Variants in SLC24A2 observed in about 807,000 individuals in gnomAD.
SLC24A2 encodes solute carrier family 24 member 2.
A neutral mutation model predicts 62.0 loss-of-function variants in SLC24A2; 36 were observed. The ratio of observed to expected loss-of-function variants is 0.58; its 90% CI spans 0.44 to 0.77. The LOEUF is 0.77. Among genes scored for constraint, SLC24A2 ranks in the 30% least tolerant of loss-of-function variants. The probability of loss-of-function intolerance (pLI) is 0.00; values close to 1 mark genes in which losing one functional copy is unlikely to be tolerated. For missense variants in SLC24A2, 846 were observed against 817.9 expected, an observed-to-expected ratio of 1.03 and a Z score of -0.42; for synonymous variants, 358 against 294.0, an observed-to-expected ratio of 1.22 and a Z score of -2.23.
intron 2 of SLC24A2, among the ~76,000 whole-genome samples, chr9:19,685,881 G>T (rs145970377): frequency 3.9e-5 from 6 of 152,024 alleles, no homozygotes; most frequent in Admixed American, 3.9e-4. Context: ...TGATGAAGAT[G>T]CCAAAAACAA....
chr9:19,688,905 A>G (rs1236347955), intron 2 of SLC24A2, among the ~76,000 whole-genome samples: 1 of 152,128 alleles, frequency 6.6e-6, no homozygotes, highest in Non-Finnish European at 1.5e-5. Context: ...ATTGTTATTG[A>G]GTACACAATA....
chr9:20,188,786 C>G, the SLC24A2 span, among the ~76,000 whole-genome samples: 44 of 152,268 alleles, frequency 2.9e-4, no homozygotes, highest in African/African-American at 1.0e-3. Context: ...CTCCCTAGAG[C>G]TGCCTAAAGG....
At chr9:19,637,967 T>C (rs766654850) in intron 2 of SLC24A2, among the ~76,000 whole-genome samples, 2 of 152,152 alleles carry the variant, frequency 1.3e-5, no homozygotes, top group South Asian at 2.1e-4. Flanking sequence ...TGTTGAAAAA[T>C]GTACAGTGAG....
chr9:19,594,654 A>ATGTT (rs1356195351), intron 5 of SLC24A2, among the ~76,000 whole-genome samples: 1 of 152,218 alleles, frequency 6.6e-6, no homozygotes, highest in African/African-American at 2.4e-5. Context: ...AATTGTGCAA[A>ATGTT]TGCTTAACTG....
In SLC24A2 at chr9:19,516,319, A is replaced by G; in HGVS notation, c.1820T>C (p.Ile607Thr). Residue 607 changes from isoleucine (I) to threonine (T), a missense_variant, in exon 11 of 11, where the codon ATC (isoleucine) becomes ACC (threonine). Physicochemically the swap from Ile to Thr is moderately conservative, Grantham distance 89 (BLOSUM62 -1). Coordinates refer to ENST00000341998, the MANE Select transcript of SLC24A2 (RefSeq NM_020344.4). ...AVSSNGLFCA[I>T]VLLFIMLLFV... ...GAGCAGCATGATGAAGAGAAGGACG[A>G]TGGCACAGAAAAGGCCATTGCTGCT... 1 of 1,614,230 alleles carries G rather than the reference A, an allele frequency of 6.2e-7. No individual in the cohort carries two copies. Among genetic ancestry groups the G allele is most frequent in the African/African-American group, 1.3e-5 (1 of 75,070 alleles).
chr9:19,840,734 TACA>T, the SLC24A2 span, among the ~76,000 whole-genome samples: 22 of 152,302 alleles, frequency 1.4e-4, no homozygotes, highest in African/African-American at 5.3e-4. Context: ...CAATCAAGCA[TACA>T]ACATTTCTAT....
the SLC24A2 span, among the ~76,000 whole-genome samples, chr9:19,990,314 A>T: frequency 1.3e-5 from 2 of 152,114 alleles, no homozygotes. Context: ...ACCTACGGTC[A>T]GAAGATATCA....
the SLC24A2 span, among the ~76,000 whole-genome samples, chr9:19,859,765 G>A: frequency 6.6e-6 from 1 of 152,212 alleles, no homozygotes; most frequent in Non-Finnish European, 1.5e-5. Flanking sequence ...AGCATTGTGA[G>A]GAGGGTGTTT....
intron 2 of SLC24A2, among the ~76,000 whole-genome samples, chr9:19,730,226 A>T (rs1821295025): frequency 1.3e-5 from 2 of 152,176 alleles, no homozygotes; most frequent in African/African-American, 4.8e-5. Context: ...AGTCTTTGGA[A>T]AATATTTGAA....
the SLC24A2 span, among the ~76,000 whole-genome samples, chr9:20,080,758 A>C: frequency 6.6e-6 from 1 of 152,092 alleles, no homozygotes; most frequent in African/African-American, 2.4e-5. Context: ...CAGAATCTAC[A>C]ATGAACTCAA....
chr9:19,789,892 T>C (rs1587331677), upstream of SLC24A2, among the ~76,000 whole-genome samples: 1 of 152,202 alleles, frequency 6.6e-6, no homozygotes, highest in East Asian at 1.9e-4. Flanking sequence ...TTCTGTTCTC[T>C]CCCCCATCCA....
the SLC24A2 span, among the ~76,000 whole-genome samples, chr9:20,091,122 C>A: frequency 6.7e-6 from 1 of 149,664 alleles, no homozygotes; most frequent in East Asian, 2.0e-4. Context: ...TGAAGACTGG[C>A]TCTCTGAAAT....
At chr9:19,694,238 T>G (rs1820122906) in intron 2 of SLC24A2, among the ~76,000 whole-genome samples, 1 of 152,158 alleles carries the variant, frequency 6.6e-6, no homozygotes, top group Non-Finnish European at 1.5e-5. Flanking sequence ...TAATATTATC[T>G]TAGCAATTGG....
chr9:20,256,207 C>A, the SLC24A2 span, among the ~76,000 whole-genome samples: 1 of 152,166 alleles, frequency 6.6e-6, no homozygotes. Flanking sequence ...CCAAAGCATG[C>A]CTTTGGGGAG....
the SLC24A2 span, among the ~76,000 whole-genome samples, chr9:20,233,696 T>C: frequency 6.6e-6 from 1 of 152,364 alleles, no homozygotes; most frequent in South Asian, 2.1e-4. Context: ...CCAGTCTGTG[T>C]CTTTTAATTG....
chr9:19,831,734 C>G, the SLC24A2 span, among the ~76,000 whole-genome samples: 54 of 152,290 alleles, frequency 3.5e-4, 1 homozygote, highest in African/African-American at 1.2e-3. Context: ...AAAAAAATCT[C>G]AAGCCTTCAC....
the SLC24A2 span, among the ~76,000 whole-genome samples, chr9:20,100,795 T>C: frequency 6.6e-6 from 1 of 152,236 alleles, no homozygotes; most frequent in Non-Finnish European, 1.5e-5. Context: ...GATTATTTTC[T>C]CTTTTTAAGG....
chr9:20,208,925 C>A, the SLC24A2 span, among the ~76,000 whole-genome samples: 2 of 152,290 alleles, frequency 1.3e-5, no homozygotes, highest in South Asian at 4.1e-4. Context: ...CAGTCAGCAA[C>A]GTGGATCTAG....
the SLC24A2 span, among the ~76,000 whole-genome samples, chr9:20,197,284 T>C: frequency 6.6e-6 from 1 of 152,208 alleles, no homozygotes; most frequent in Non-Finnish European, 1.5e-5. Flanking sequence ...GATCAATGTA[T>C]ATTCTCACAA....
Sources: allele counts gnomAD v4.1 joint callset (sites outside exome capture counted in the v4.1 genomes callset), GRCh38; gene constraint gnomAD v4.1.1; transcripts MANE v1.5; gene names NCBI Gene and HGNC (gene_info 2026-07-23, HGNC 2026-07-21).